The following FHIT variants were observed in gnomAD, a reference collection of about 807,000 sequenced individuals.
FHIT encodes the protein fragile histidine triad diadenosine triphosphatase, also known as bis(5'-adenosyl)-triphosphatase.
A neutral mutation model predicts 17.9 loss-of-function variants in FHIT; 19 were observed. The observed-to-expected ratio is 1.06, with a 90% CI of 0.74 to 1.56. FHIT has a LOEUF of 1.56. FHIT is among the 40% of genes most tolerant of loss of function. The pLI, the probability that FHIT is intolerant of heterozygous loss-of-function variation, is 0.00. For missense variants in FHIT, 248 were observed against 189.2 expected (o/e 1.31, Z -1.82); for synonymous variants, 81 against 69.7 (o/e 1.16, Z -0.81).
intron 8 of FHIT, among the ~76,000 whole-genome samples, chr3:59,858,239 T>C (rs111617072): frequency 3.6e-3 from 138 of 38,424 alleles, no homozygotes; most frequent in Non-Finnish European, 4.5e-3. Flanking sequence ...CCACCTTCTT[T>C]TTTTTTTTTT....
chr3:61,064,085 G>A (rs1024142462), intron 2 of FHIT, among the ~76,000 whole-genome samples: 1 of 152,142 alleles, frequency 6.6e-6, no homozygotes, highest in African/African-American at 2.4e-5. Context: ...GAAACGTACT[G>A]GTCTCAGCCA....
chr3:60,079,763 C>A (rs968152885), intron 5 of FHIT, among the ~76,000 whole-genome samples: 1 of 152,052 alleles, frequency 6.6e-6, no homozygotes, highest in African/African-American at 2.4e-5. Context: ...TAACCTCCTG[C>A]GCAACCATAA....
intron 3 of FHIT, among the ~76,000 whole-genome samples, chr3:60,967,373 C>T (rs1316187050): frequency 6.6e-6 from 1 of 152,128 alleles, no homozygotes; most frequent in Non-Finnish European, 1.5e-5. Context: ...ATTGCAAATA[C>T]CTAAGACTTT....
rs546318882 is a variant in FHIT at position 59,903,300 on chromosome 3, C to T, written c.348+19046G>A. ...ATGGAAGGGGAGGAATGGGGAGTGACAGCTAATAGGCACAGGGTTTCTTTT... is the reference window on the plus strand; with the variant it reads ...ATGGAAGGGGAGGAATGGGGAGTGATAGCTAATAGGCACAGGGTTTCTTTT... On this transcript the variant is annotated intron_variant, in intron 8 of 9. Coordinates refer to ENST00000492590, the MANE Select transcript of FHIT (RefSeq NM_002012.4). 5.3e-5 allele frequency among the ~76,000 whole-genome samples: 8 copies of T among 152,214 alleles called. 1 individual carries two copies. Among genetic ancestry groups the T allele is most frequent in the Admixed American group, 5.2e-4 (8 of 15,276 alleles).
chr3:60,609,873 T>A (rs2038732221), intron 4 of FHIT, among the ~76,000 whole-genome samples: 1 of 152,156 alleles, frequency 6.6e-6, no homozygotes, highest in Non-Finnish European at 1.5e-5. Context: ...AGCACATGCA[T>A]AAAATAAAGT....
At chr3:60,190,631 G>A (rs1559713322) in intron 5 of FHIT, among the ~76,000 whole-genome samples, 2 of 151,912 alleles carry the variant, frequency 1.3e-5, no homozygotes, top group Admixed American at 6.6e-5. Flanking sequence ...GGGGGAGCAG[G>A]GAGGGATAGC....
intron 5 of FHIT, among the ~76,000 whole-genome samples, chr3:60,409,357 A>C (rs1701984806): frequency 6.6e-6 from 1 of 152,204 alleles, no homozygotes; most frequent in African/African-American, 2.4e-5. Flanking sequence ...TTTAAAGTAA[A>C]GTGAAATTTG....
At chr3:60,869,711 G>C (rs1704320579) in intron 3 of FHIT, among the ~76,000 whole-genome samples, 1 of 152,112 alleles carries the variant, frequency 6.6e-6, no homozygotes. Context: ...CTAAAAAGAA[G>C]ACATGCTTTC....
At chr3:60,618,597 C>T (rs988453058) in intron 4 of FHIT, among the ~76,000 whole-genome samples, 1 of 152,174 alleles carries the variant, frequency 6.6e-6, no homozygotes. Context: ...AAAACAAGTT[C>T]TACTGTGGCA....
intron 5 of FHIT, among the ~76,000 whole-genome samples, chr3:60,133,297 A>G (rs1232952694): frequency 6.6e-6 from 1 of 152,102 alleles, no homozygotes; most frequent in Non-Finnish European, 1.5e-5. Context: ...ACAAACTTCA[A>G]TTCTTCCCTT....
chr3:61,123,984 G>T (rs576303681), intron 2 of FHIT, among the ~76,000 whole-genome samples: 49 of 152,084 alleles, frequency 3.2e-4, no homozygotes, highest in Non-Finnish European at 6.3e-4. Context: ...GCCCATTCTT[G>T]TCAGGTTCAC....
chr3:61,007,399 C>T (rs1444163839), intron 3 of FHIT, among the ~76,000 whole-genome samples: 2 of 152,118 alleles, frequency 1.3e-5, no homozygotes, highest in Non-Finnish European at 2.9e-5. Context: ...TACTAGAAAT[C>T]GATGGAGGAG....
At chr3:60,688,570 T>C (rs2040913979) in intron 4 of FHIT, among the ~76,000 whole-genome samples, 1 of 152,032 alleles carries the variant, frequency 6.6e-6, no homozygotes, top group South Asian at 2.1e-4. Flanking sequence ...TAGCTGGGAT[T>C]ACAGGCACTC....
intron 5 of FHIT, among the ~76,000 whole-genome samples, chr3:60,329,854 TTA>T (rs1217972816): frequency 2.0e-5 from 3 of 152,194 alleles, no homozygotes; most frequent in African/African-American, 4.8e-5. Flanking sequence ...AGTGAACAAT[TTA>T]TATGTGTGTT....
At chr3:60,768,021 GA>G (rs1265622647) in intron 4 of FHIT, among the ~76,000 whole-genome samples, 1 of 152,004 alleles carries the variant, frequency 6.6e-6, no homozygotes, top group East Asian at 1.9e-4. Context: ...CCTGAAGAAG[GA>G]AAAAAATAAA....
intron 8 of FHIT, among the ~76,000 whole-genome samples, chr3:59,759,847 G>A (rs528786922): frequency 6.6e-6 from 1 of 152,240 alleles, no homozygotes; most frequent in South Asian, 2.1e-4. Context: ...GGCAGAAAAT[G>A]GTCTTGGACC....
intron 1 of FHIT, among the ~76,000 whole-genome samples, chr3:61,205,217 A>C (rs1375632653): frequency 3.3e-5 from 5 of 151,894 alleles, no homozygotes; most frequent in African/African-American, 7.2e-5. Context: ...AATCCAGTCT[A>C]TCATTGTTGG....
At chr3:59,785,547 G>C (rs935637270) in intron 8 of FHIT, among the ~76,000 whole-genome samples, 1 of 152,078 alleles carries the variant, frequency 6.6e-6, no homozygotes, top group Non-Finnish European at 1.5e-5. Context: ...CTGAACTCCT[G>C]ACCTCAAGTG....
intron 8 of FHIT, among the ~76,000 whole-genome samples, chr3:59,818,791 A>C (rs1363172345): frequency 6.6e-6 from 1 of 152,204 alleles, no homozygotes; most frequent in Non-Finnish European, 1.5e-5. Flanking sequence ...TCAACAGCGC[A>C]GATCACATGC....
Sources: gnomAD v4.1 joint callset for allele counts (sites outside exome capture counted in the v4.1 genomes callset) on GRCh38, gnomAD v4.1.1 for gene constraint, MANE v1.5 for transcripts, NCBI Gene and HGNC (gene_info 2026-07-23, HGNC 2026-07-21) for gene names.